GRIK2: variants seen among roughly 807,000 people sequenced by gnomAD.
GRIK2 encodes glutamate receptor ionotropic, kainate 2.
GRIK2 carries 32 observed loss-of-function variants against 100.3 expected under a neutral mutation model. The observed-to-expected ratio is 0.32, with a 90% CI of 0.24 to 0.43. The LOEUF (loss-of-function observed/expected upper bound fraction) is 0.43, where lower values mean the gene tolerates loss of function less well. GRIK2 is among the 20% of genes least tolerant of loss of function. The probability of loss-of-function intolerance (pLI) is 1.00; values close to 1 mark genes in which losing one functional copy is unlikely to be tolerated. For synonymous variants in GRIK2, 417 were observed against 389.4 expected, an observed-to-expected ratio of 1.07 and a Z score of -0.83; for missense variants, 843 against 1,114.9, an observed-to-expected ratio of 0.76 and a Z score of 3.47.
At chr6:101,814,679 T>C (rs1320864561) in intron 9 of GRIK2, among the ~76,000 whole-genome samples, 5 of 152,160 alleles carry the variant, frequency 3.3e-5, no homozygotes, top group Non-Finnish European at 4.4e-5. Context: ...CTGTGCTCAG[T>C]CATTCTAATT....
intron 2 of GRIK2, among the ~76,000 whole-genome samples, chr6:101,594,217 G>A (rs905958321): frequency 6.6e-6 from 1 of 151,702 alleles, no homozygotes; most frequent in Non-Finnish European, 1.5e-5. Context: ...TGAGTGTGCC[G>A]GCTTTATCAG....
At chr6:101,593,746 T>C (rs1193914112) in intron 2 of GRIK2, among the ~76,000 whole-genome samples, 1 of 151,904 alleles carries the variant, frequency 6.6e-6, no homozygotes, top group Non-Finnish European at 1.5e-5. Context: ...TTTTTCATTT[T>C]TTACTTCCCA....
rs759433043 is a variant in GRIK2 at position 102,035,347 on chromosome 6, A to G, written c.2092A>G (p.Lys698Glu). ...GATMTFFKKS[K>E]ISTYDKMWAF... ...TTATATTTATTTTCTTCAGAAATCA[A>G]AAATCTCCACGTATGACAAAATGTG... The change falls in exon 15 of 17, where the codon AAA (lysine) becomes GAA (glutamate). Residue 698 changes from lysine (K) to glutamate (E), a missense_variant. This residue lies in a region of GRIK2 where 237 missense variants were observed against 388.0 expected (regional missense o/e 0.61). Coordinates refer to ENST00000369134, the MANE Select transcript of GRIK2 (RefSeq NM_021956.5). 1.3e-6 allele frequency: 2 copies of G among 1,588,006 alleles called. No individual in the cohort carries two copies. Among genetic ancestry groups the G allele is most frequent in the Non-Finnish European group, 1.7e-6 (2 of 1,160,074 alleles).
chr6:101,741,762 A>G (rs976693308), intron 7 of GRIK2, among the ~76,000 whole-genome samples: 5 of 152,348 alleles, frequency 3.3e-5, no homozygotes, highest in African/African-American at 4.8e-5. Context: ...CTGTAGCTCA[A>G]ATGTTTTCAC....
In GRIK2 at chr6:102,029,642, A is replaced by C. The variant is rs192020980; in HGVS notation, c.2086-5699A>C. 2.0e-3 allele frequency among the ~76,000 whole-genome samples: 299 copies of C among 151,358 alleles called. 1 individual carries two copies. The highest frequency in any genetic ancestry group is 3.6e-3 in the Non-Finnish European group (246 of 67,492). On this transcript the variant is annotated intron_variant, in intron 14 of 16. Coordinates refer to ENST00000369134, the MANE Select transcript of GRIK2 (RefSeq NM_021956.5). ...CCTTACACAATATATTTTACAGTGG[A>C]AGTATGACCCCATGGGTGTTTAATA...
At chr6:101,955,148 A>T (rs1461556953) in intron 14 of GRIK2, among the ~76,000 whole-genome samples, 1 of 151,958 alleles carries the variant, frequency 6.6e-6, no homozygotes, top group Non-Finnish European at 1.5e-5. Context: ...AGATATATTG[A>T]TATGTAGTTT....
rs1773278330 is a variant in GRIK2, at chr6:101,493,945, A to ATATATAATATATATATTTTATATGTATT, written c.115+94576_115+94577insGTATTTATATAATATATATATTTTATAT. Among the ~76,000 whole-genome samples the ATATATAATATATATATTTTATATGTATT allele has an allele frequency of 3.6e-5, 5 of 139,100 alleles. 1 individual carries two copies. The South Asian group carries it at 1.1e-3, about 30-fold the overall frequency. 91.3% of individuals were successfully genotyped at this position (139,100 alleles called of 152,430 possible). On this transcript the variant is annotated intron_variant, in intron 2 of 16. Transcript: ENST00000369134. Reference sequence around the variant, plus strand: ...TATATTTTATATATAATATGTATTTATATATAATATATATATTTTATATAT... The same window carrying ATATATAATATATATATTTTATATGTATT: ...TATATTTTATATATAATATGTATTTATATATAATATATATATTTTATATGTATTTATATAATATATATATTTTATATAT...
chr6:102,025,676 T>A (rs1033465840), intron 14 of GRIK2, among the ~76,000 whole-genome samples: 5 of 151,236 alleles, frequency 3.3e-5, no homozygotes, highest in Non-Finnish European at 7.4e-5. Flanking sequence ...TACATACTCA[T>A]ATTGTGATAT....
chr6:101,754,928 A>C (rs945575956), intron 7 of GRIK2, among the ~76,000 whole-genome samples: 1 of 152,216 alleles, frequency 6.6e-6, no homozygotes, highest in Non-Finnish European at 1.5e-5. Flanking sequence ...AGGCTGGACT[A>C]TGAAGGGCCT....
Position 102,055,408 on chromosome 6 carries a change from A to G in GRIK2, c.2390A>G (p.Lys797Arg). The G allele has an allele frequency of 6.2e-7, 1 of 1,613,394 alleles. No individual in the cohort carries two copies. Among genetic ancestry groups the G allele is most frequent in the Non-Finnish European group, 8.5e-7 (1 of 1,179,414 alleles). ...EEGKLHMMKE[K>R]WWRGNGCPEE... ...GGCAAACTGCATATGATGAAGGAGA[A>G]ATGGTGGAGGGGCAATGGTTGCCCA... is the stretch of plus-strand genomic sequence containing the variant. The change falls in exon 16 of 17, where the codon AAA becomes AGA. Residue 797 changes from lysine to arginine, a missense_variant. Lys to Arg is a conservative substitution (Grantham distance 26). This residue lies in a region of GRIK2 where 237 missense variants were observed against 388.0 expected (regional missense o/e 0.61). Transcript: ENST00000369134.
In GRIK2 at chr6:101,791,772, C is replaced by G. The variant is rs1002373399; in HGVS notation, c.952-7876C>G. On this transcript the variant is annotated intron_variant, in intron 7 of 16. Coordinates refer to ENST00000369134, the MANE Select transcript of GRIK2 (RefSeq NM_021956.5). ...ATTCCTGGGTATCCTTGTTAACTTT[C>G]TGTCTCGTTGATCTGTCTAATGTTG... Among the ~76,000 whole-genome samples, 101 of 151,824 alleles carry G rather than the reference C, an allele frequency of 6.7e-4. 1 individual carries two copies. Among genetic ancestry groups the G allele is most frequent in the Admixed American group, 1.4e-3 (22 of 15,252 alleles).
intron 12 of GRIK2, among the ~76,000 whole-genome samples, chr6:101,892,992 C>A (rs1787205174): frequency 6.6e-6 from 1 of 151,208 alleles, no homozygotes; most frequent in South Asian, 2.1e-4. Flanking sequence ...TAGTATTGAA[C>A]TTTTACTATA....
chr6:101,833,756 TA>T (rs1482348134), intron 10 of GRIK2, among the ~76,000 whole-genome samples: 1 of 152,114 alleles, frequency 6.6e-6, no homozygotes, highest in African/African-American at 2.4e-5. Flanking sequence ...TGGTAATGGT[TA>T]AAAAATATTC....
At chr6:102,034,277 T>A (rs962972417) in intron 14 of GRIK2, among the ~76,000 whole-genome samples, 4 of 151,402 alleles carry the variant, frequency 2.6e-5, no homozygotes, top group African/African-American at 9.7e-5. Context: ...TTCTCTGTAA[T>A]ATTGTGGGCC....
At chr6:101,632,710 T>G in intron 4 of GRIK2, among the ~76,000 whole-genome samples, 1 of 152,102 alleles carries the variant, frequency 6.6e-6, no homozygotes, top group East Asian at 1.9e-4. Flanking sequence ...AGCTGCTATC[T>G]TAGGCAGAGG....
intron 7 of GRIK2, among the ~76,000 whole-genome samples, chr6:101,788,369 C>A (rs1187042219): frequency 6.6e-6 from 1 of 151,904 alleles, no homozygotes; most frequent in African/African-American, 2.4e-5. Flanking sequence ...CTGCCCCCAC[C>A]CCACAATAGT....
intron 12 of GRIK2, among the ~76,000 whole-genome samples, chr6:101,916,182 ATATT>A (rs1470652191): frequency 5.9e-5 from 9 of 151,552 alleles, no homozygotes; most frequent in African/African-American, 1.2e-4. Context: ...AACATTTGAA[ATATT>A]TATATTATTA....
rs771318100 is a variant in GRIK2 at position 101,928,486 on chromosome 6, A to T, written c.1939A>T (p.Ile647Phe). Residue 647 changes from isoleucine (I) to phenylalanine (F), a missense_variant, in exon 14 of 17, where the codon ATC becomes TTC. This residue lies in a region of GRIK2 where 237 missense variants were observed against 388.0 expected (regional missense o/e 0.61). Coordinates refer to ENST00000369134, the MANE Select transcript of GRIK2 (RefSeq NM_021956.5). ...GGIWWFFTLIIISSYTANLAA... is the reference protein window; with the variant it reads ...GGIWWFFTLIFISSYTANLAA... Reference sequence around the variant, plus strand: ...CATTTGGTGGTTTTTCACACTTATCATCATTTCTTCGTATACTGCTAACTT... The same window carrying T: ...CATTTGGTGGTTTTTCACACTTATCTTCATTTCTTCGTATACTGCTAACTT... 1 of 1,609,192 alleles carries T rather than the reference A, an allele frequency of 6.2e-7. No homozygotes were observed. The highest frequency in any genetic ancestry group is 8.5e-7 in the Non-Finnish European group (1 of 1,175,570).
intron 2 of GRIK2, among the ~76,000 whole-genome samples, chr6:101,440,929 A>G (rs1017876530): frequency 6.6e-6 from 1 of 151,726 alleles, no homozygotes; most frequent in African/African-American, 2.4e-5. Flanking sequence ...AGATTACAGA[A>G]AGGAGAGTGT....
Sources: allele counts gnomAD v4.1 joint callset (sites outside exome capture counted in the v4.1 genomes callset), GRCh38; gene constraint gnomAD v4.1.1; regional missense constraint gnomAD v4.1.1; transcripts MANE v1.5; gene names NCBI Gene and HGNC (gene_info 2026-07-23, HGNC 2026-07-21).